ABCA9: variants seen among roughly 807,000 people sequenced by gnomAD.
The protein encoded by ABCA9 is ATP-binding cassette sub-family A member 9.
ABCA9 carries 183 observed loss-of-function variants against 205.3 expected under a neutral mutation model. That is an observed-to-expected ratio of 0.89 (90% CI 0.79 to 1.01). The LOEUF (loss-of-function observed/expected upper bound fraction) is 1.01. ABCA9 is among the 50% of genes least tolerant of loss of function. The pLI is 0.00. For missense variants in ABCA9, 1,805 were observed against 1,912.4 expected, an observed-to-expected ratio of 0.94 and a Z score of 1.05; for synonymous variants, 651 against 683.3, an observed-to-expected ratio of 0.95 and a Z score of 0.74.
At chr17:69,055,332 C>T (rs1598418586) in intron 1 of ABCA9, among the ~76,000 whole-genome samples, 1 of 152,066 alleles carries the variant, frequency 6.6e-6, no homozygotes, top group African/African-American at 2.4e-5. Context: ...TAACAATAAT[C>T]AGAAGAAAGC....
chr17:69,021,673 C>A (rs1386279241), intron 18 of ABCA9, 69 bp downstream of exon 18: 3 of 1,022,270 alleles, frequency 2.9e-6, no homozygotes, highest in South Asian at 1.8e-5. Context: ...TAAAATCTTT[C>A]TTTCGTCCTT....
intron 1 of ABCA9, 100 bp from the exon 2 acceptor site, chr17:69,051,239 G>T: frequency 3.0e-6 from 3 of 1,015,516 alleles, no homozygotes; most frequent in Non-Finnish European, 4.1e-6. Flanking sequence ...GCTGTTTCCA[G>T]TTGCATTCCT....
intron 30 of ABCA9, among the ~76,000 whole-genome samples, chr17:68,989,421 T>C (rs953015850): frequency 6.6e-6 from 1 of 152,134 alleles, no homozygotes; most frequent in African/African-American, 2.4e-5. Context: ...TATTTTGATT[T>C]CAAAGCCTGT....
At position 69,020,479 on chromosome 17, in the gene ABCA9, T is replaced by C. The variant is rs2070774677; in HGVS notation, c.2509A>G (p.Ser837Gly). 2 of 1,614,114 alleles carry C rather than the reference T, an allele frequency of 1.2e-6. No homozygotes were observed. The highest frequency in any genetic ancestry group is 1.7e-6 in the Non-Finnish European group (2 of 1,179,966). Residue 837 changes from serine to glycine, a missense_variant, in exon 19 of 39, where the codon AGT becomes GGT. By Grantham distance (56) the Ser-to-Gly change is moderately conservative. Transcript: ENST00000340001. ...SSFHETRKTI[S>G]GVALWRQQVC... is the part of the protein sequence containing the mutation. ...TGCTGCCTCCAGAGCGCCACGCCAC[T>C]GATTGTTTTCCTTGTTTCGTGGAAG... is the stretch of plus-strand genomic sequence containing the variant.
At chr17:69,040,719 G>T (rs1043807250) in intron 6 of ABCA9, among the ~76,000 whole-genome samples, 1 of 151,522 alleles carries the variant, frequency 6.6e-6, no homozygotes, top group Non-Finnish European at 1.5e-5. Flanking sequence ...CTTAAAGTAT[G>T]ATAAAAAATG....
chr17:69,049,813 A>C (rs1225710983), intron 2 of ABCA9, among the ~76,000 whole-genome samples: 2 of 152,192 alleles, frequency 1.3e-5, no homozygotes, highest in Non-Finnish European at 2.9e-5. Context: ...TTTTAGTGAC[A>C]GTGATAAATA....
chr17:69,070,978 G>T, the ABCA9 span, among the ~76,000 whole-genome samples: 1 of 152,222 alleles, frequency 6.6e-6, no homozygotes, highest in East Asian at 1.9e-4. Context: ...CTGTCAGGAA[G>T]TTCAAACTGG....
chr17:69,061,099 CTT>C (rs1217436078), upstream of ABCA9: 1 of 985,248 alleles, frequency 1.0e-6, no homozygotes, highest in Non-Finnish European at 1.2e-6. Context: ...TTTTCCATTT[CTT>C]TGTTTCCTGC....
At chr17:69,004,789 GC>G in intron 25 of ABCA9, 1 of 160,232 alleles carries the variant, frequency 6.2e-6, no homozygotes, top group Non-Finnish European at 1.3e-5. Flanking sequence ...GACCCTCTGA[GC>G]CAGGTGGGGG....
Position 69,027,116 on chromosome 17 carries a change from T to C in ABCA9, c.1912-2A>G, listed in dbSNP as rs1205986271. 7 of 1,613,678 alleles carry C rather than the reference T, an allele frequency of 4.3e-6. No individual in the cohort carries two copies. The highest frequency in any genetic ancestry group is 5.9e-6 in the Non-Finnish European group (7 of 1,179,952). On this transcript the variant is annotated splice_acceptor_variant, in intron 14 of 38. Coordinates refer to ENST00000340001, the MANE Select transcript of ABCA9 (RefSeq NM_080283.4). LOFTEE classifies it high-confidence loss of function. ...AGTCGGTTCATCCAATAGCAAAACC[T>C]GGACAGGAGGAAAGTCCTAAAGTAA...
In ABCA9 at chr17:69,035,690, G is replaced by A. The variant is rs376450925; in HGVS notation, c.912C>T (p.Phe304=). ...ACAGGCCATAGAGGAGAAAGAGGGT[G>A]AAGACCATCACAAAACCAGTCAGGA... is the stretch of plus-strand genomic sequence containing the variant. ...IVVLTGFVMV[F]TLFLLYGLSL... Residue 304 remains phenylalanine, a synonymous_variant, in exon 7 of 39, where the codon TTC becomes TTT. Coordinates refer to ENST00000340001, the MANE Select transcript of ABCA9 (RefSeq NM_080283.4). The A allele has an allele frequency of 1.7e-5, 27 of 1,609,060 alleles. No individual in the cohort carries two copies. The highest frequency in any genetic ancestry group is 2.1e-5 in the Non-Finnish European group (25 of 1,175,918).
intron 25 of ABCA9, among the ~76,000 whole-genome samples, chr17:68,997,598 T>C (rs1315937232): frequency 3.1e-5 from 4 of 129,698 alleles, no homozygotes; most frequent in African/African-American, 9.0e-5. Flanking sequence ...TTTTTTCTTT[T>C]TTTTTTTTTT....
At chr17:68,982,774 A>G in intron 36 of ABCA9, 133 bp from the exon 37 acceptor site, 2 of 630,708 alleles carry the variant, frequency 3.2e-6, no homozygotes, top group East Asian at 5.4e-5. Flanking sequence ...GGAGGCCAAG[A>G]AGGGAAGATT....
In ABCA9 at chr17:69,021,851, C is replaced by T; in HGVS notation, c.2292G>A (p.Arg764=). The change falls in exon 18 of 39, where the codon AGG becomes AGA. Residue 764 remains arginine (R), a synonymous_variant. Coordinates refer to ENST00000340001, the MANE Select transcript of ABCA9 (RefSeq NM_080283.4). The part of the protein sequence containing the change: ...ERTNKFPELY[R]DLDRCSNQGI... ...CTTGGTTAGAACATCTATCAAGATC[C>T]CTGTAAAGTTCTAAAAGTGGATACA... 4.7e-6 allele frequency: 7 copies of T among 1,503,592 alleles called. No individual in the cohort carries two copies. The highest frequency in any genetic ancestry group is 6.3e-6 in the Non-Finnish European group (7 of 1,109,722). 93.1% of individuals were successfully genotyped at this position (1,503,592 alleles called of 1,614,324 possible).
the ABCA9 span, among the ~76,000 whole-genome samples, chr17:69,075,438 G>A: frequency 0.015 from 2,304 of 152,134 alleles, 32 homozygotes; most frequent in Non-Finnish European, 0.018. Flanking sequence ...AAAGGTGGGG[G>A]TCCACTTTGA....
Position 69,026,457 on chromosome 17 carries a change from C to T in ABCA9, c.2061G>A (p.Val687=), listed in dbSNP as rs2070989386. Reference sequence around the variant, plus strand: ...ACTTCAGCTTCCCATTGGATATGAACACCTTCCTGTCTAGTTAGAAATAAT... The same window carrying T: ...ACTTCAGCTTCCCATTGGATATGAATACCTTCCTGTCTAGTTAGAAATAAT... ...DEADILADRK[V]FISNGKLKCA... is the part of the protein sequence containing the mutation. Residue 687 remains valine (V), a synonymous_variant, in exon 16 of 39, where the codon GTG becomes GTA. Transcript: ENST00000340001. 4.3e-6 allele frequency: 7 copies of T among 1,613,090 alleles called. No individual in the cohort carries two copies. The highest frequency in any genetic ancestry group is 1.7e-4 in the Middle Eastern group (1 of 6,056).
At chr17:69,027,933 G>A in intron 12 of ABCA9, 118 bp from the exon 13 acceptor site, 1 of 825,486 alleles carries the variant, frequency 1.2e-6, no homozygotes, top group Non-Finnish European at 1.9e-6. Flanking sequence ...TTGTTTACTT[G>A]TAAGGAATAT....
chr17:68,979,047 C>T (rs1659665501), intron 37 of ABCA9, among the ~76,000 whole-genome samples: 1 of 152,162 alleles, frequency 6.6e-6, no homozygotes, highest in Admixed American at 6.5e-5. Context: ...CCCATCGTCT[C>T]AGCCCAAAAT....
intron 28 of ABCA9, among the ~76,000 whole-genome samples, chr17:68,991,583 G>A (rs1306823180): frequency 6.6e-6 from 1 of 152,120 alleles, no homozygotes; most frequent in Non-Finnish European, 1.5e-5. Context: ...CTAAAACATG[G>A]CTGTCATCTT....
Sources: gnomAD v4.1 joint callset for allele counts (sites outside exome capture counted in the v4.1 genomes callset) on GRCh38, gnomAD v4.1.1 for gene constraint, MANE v1.5 for transcripts, NCBI Gene and HGNC (gene_info 2026-07-23, HGNC 2026-07-21) for gene names.